Variants in FCF1 observed in about 807,000 individuals in gnomAD.
FCF1 encodes FCF1 rRNA-processing protein.
A neutral mutation model predicts 32.5 loss-of-function variants in FCF1; 17 were observed. The observed-to-expected ratio is 0.52, with a 90% CI of 0.36 to 0.78. The LOEUF (loss-of-function observed/expected upper bound fraction) is 0.78. FCF1 is among the 30% of genes least tolerant of loss of function. The probability of loss-of-function intolerance (pLI) is 0.00; values close to 1 mark genes in which losing one functional copy is unlikely to be tolerated. For synonymous variants in FCF1, 84 were observed against 78.4 expected (o/e 1.07, Z -0.38); for missense variants, 201 against 241.1 (o/e 0.83, Z 1.10).
intron 6 of FCF1, 133 bp downstream of exon 6, chr14:74,732,951 A>G: frequency 1.7e-6 from 1 of 574,778 alleles, no homozygotes; most frequent in Non-Finnish European, 3.0e-6. Flanking sequence ...ATTGCATAGC[A>G]TTCCTTCATA....
Position 74,725,256 on chromosome 14 carries a change from C to T in FCF1, c.365+1912C>T, listed in dbSNP as rs946218655. Among the ~76,000 whole-genome samples, 7 of 150,876 alleles carry T rather than the reference C, an allele frequency of 4.6e-5. No individual in the cohort carries two copies. In the East Asian group the frequency reaches 1.4e-3, roughly 30 times the overall value. On this transcript the variant is annotated intron_variant, in intron 5 of 7. Transcript: ENST00000341162. ...CTGTAATCCCAGAACTTTGGGAGGC[C>T]GAGGCAGGCAGATCATTTGAGGTCA...
At chr14:74,722,042 A>ATT (rs1328601983) in intron 4 of FCF1, among the ~76,000 whole-genome samples, 3 of 94,912 alleles carry the variant, frequency 3.2e-5, no homozygotes, top group African/African-American at 8.0e-5. Context: ...AATATTGGGT[A>ATT]TTTTCTTTTT....
In FCF1 at chr14:74,735,609, A is replaced by T. The variant is rs1278540861; in HGVS notation, c.*679A>T. On this transcript the variant is annotated 3_prime_UTR_variant, in exon 8 of 8. Coordinates refer to ENST00000341162, the MANE Select transcript of FCF1 (RefSeq NM_015962.5). ...TCTTGAGATGAAGTTTTGCTCTGTCACCAGGCTGGAGTGCAGTGGCGTGAT... is the reference window on the plus strand; with the variant it reads ...TCTTGAGATGAAGTTTTGCTCTGTCTCCAGGCTGGAGTGCAGTGGCGTGAT... The T allele has an allele frequency of 6.7e-6, 1 of 149,586 alleles. No homozygotes were observed. The highest frequency in any genetic ancestry group is 1.5e-5 in the Non-Finnish European group (1 of 67,816). 9.3% of individuals were successfully genotyped at this position (149,586 alleles called of 1,614,324 possible).
At position 74,737,993 on chromosome 14, in the gene FCF1, A is replaced by G. The variant is rs1244635411; in HGVS notation, c.*3063A>G. ...GCAACAAGAGTGAAACTCTGTCTCA[A>G]AAAAAAAAAAAAAAAAAGAGAGAGA... On this transcript the variant is annotated 3_prime_UTR_variant, in exon 8 of 8. Coordinates refer to ENST00000341162, the MANE Select transcript of FCF1 (RefSeq NM_015962.5). 1.4e-5 allele frequency: 1 copy of G among 70,028 alleles called. No homozygotes were observed. Among genetic ancestry groups the G allele is most frequent in the Non-Finnish European group, 2.5e-5 (1 of 40,456 alleles). 4.3% of individuals were successfully genotyped at this position (70,028 alleles called of 1,614,324 possible).
At chr14:74,728,774 C>T (rs2090601499) in intron 5 of FCF1, among the ~76,000 whole-genome samples, 2 of 152,220 alleles carry the variant, frequency 1.3e-5, no homozygotes. Context: ...GAAATACGTC[C>T]CATCAATACC....
chr14:74,719,568 C>T (rs866280722), intron 4 of FCF1, among the ~76,000 whole-genome samples: 6 of 151,792 alleles, frequency 4.0e-5, no homozygotes, highest in Non-Finnish European at 7.4e-5. Flanking sequence ...TGAGACCAGC[C>T]TGGCCAACAT....
intron 6 of FCF1, among the ~76,000 whole-genome samples, chr14:74,733,122 T>A (rs2090659634): frequency 6.6e-6 from 1 of 152,206 alleles, no homozygotes; most frequent in African/African-American, 2.4e-5. Context: ...ATTCTTTATC[T>A]CACAAATCTC....
At chr14:74,717,639 G>T (rs899689672) in intron 4 of FCF1, among the ~76,000 whole-genome samples, 3 of 152,182 alleles carry the variant, frequency 2.0e-5, no homozygotes, top group Admixed American at 6.5e-5. Flanking sequence ...GACCCCATAT[G>T]GGGGAAGACA....
Position 74,734,109 on chromosome 14 carries a change from G to A in FCF1, c.487G>A (p.Asp163Asn), listed in dbSNP as rs1370293944. The A allele has an allele frequency of 3.1e-6, 5 of 1,613,568 alleles. No individual in the cohort carries two copies. The Admixed American group carries it at 8.3e-5, about 27-fold the overall frequency. ...KCYIVATVDR[D>N]LKRRIRKIPG... is the part of the protein sequence containing the mutation. ...TTACATTGTGGCCACAGTTGACCGG[G>A]ACCTGAAAAGAAGAATCCGTAAGAT... The change falls in exon 7 of 8, where the codon GAC becomes AAC. Residue 163 changes from aspartate to asparagine, a missense_variant. Asp to Asn is a conservative substitution (Grantham distance 23, BLOSUM62 1). Around this residue, in one of 3 missense-constraint regions of FCF1, gnomAD observed 121 missense variants for 147.8 expected, o/e 0.82. Coordinates refer to ENST00000341162, the MANE Select transcript of FCF1 (RefSeq NM_015962.5).
chr14:74,716,185 C>A, intron 4 of FCF1, 86 bp downstream of exon 4: 1 of 1,293,412 alleles, frequency 7.7e-7, no homozygotes. Context: ...AGATGGGGTT[C>A]TTGTTAACTG....
intron 2 of FCF1, among the ~76,000 whole-genome samples, chr14:74,713,961 T>A (rs905393357): frequency 4.6e-5 from 7 of 152,246 alleles, no homozygotes; most frequent in Admixed American, 3.9e-4. Context: ...TGCCTGGTAC[T>A]CAAATATTTT....
At chr14:74,715,852 T>C in intron 3 of FCF1, 99 bp from the exon 4 acceptor site, 2 of 1,609,926 alleles carry the variant, frequency 1.2e-6, no homozygotes, top group South Asian at 2.2e-5. Flanking sequence ...GACAAAAGAG[T>C]TTACAGCAAA....
At chr14:74,733,445 AC>A (rs1463575465) in intron 6 of FCF1, among the ~76,000 whole-genome samples, 1 of 152,142 alleles carries the variant, frequency 6.6e-6, no homozygotes, top group Non-Finnish European at 1.5e-5. Context: ...AGTATTTCCC[AC>A]AGCACAGCTG....
chr14:74,728,079 C>T (rs1411863904), intron 5 of FCF1, among the ~76,000 whole-genome samples: 4 of 152,022 alleles, frequency 2.6e-5, no homozygotes, highest in African/African-American at 4.8e-5. Context: ...ATTGACTTGG[C>T]GATGTGGGCT....
chr14:74,713,398 G>A, intron 1 of FCF1, 87 bp from the exon 2 acceptor site: 5 of 1,538,466 alleles, frequency 3.2e-6, no homozygotes, highest in Non-Finnish European at 4.5e-6. Flanking sequence ...GAGGCAAGAA[G>A]GGAAGGCAAT....
At chr14:74,731,184 A>G (rs1351283825) in intron 5 of FCF1, among the ~76,000 whole-genome samples, 1 of 152,134 alleles carries the variant, frequency 6.6e-6, no homozygotes, top group Non-Finnish European at 1.5e-5. Flanking sequence ...GAAAAAATAG[A>G]GGCACCAAGT....
intron 2 of FCF1, among the ~76,000 whole-genome samples, chr14:74,714,290 C>T (rs2140015789): frequency 6.6e-6 from 1 of 152,106 alleles, no homozygotes; most frequent in East Asian, 1.9e-4. Context: ...CCTGTCTCCA[C>T]TAAAAATACA....
chr14:74,716,826 T>G (rs997553822), intron 4 of FCF1, among the ~76,000 whole-genome samples: 5 of 152,186 alleles, frequency 3.3e-5, no homozygotes, highest in African/African-American at 4.8e-5. Context: ...AACTTTGCCA[T>G]AGAGGATAAA....
At chr14:74,724,520 A>G (rs1594786796) in intron 5 of FCF1, among the ~76,000 whole-genome samples, 1 of 152,198 alleles carries the variant, frequency 6.6e-6, no homozygotes, top group East Asian at 1.9e-4. Flanking sequence ...TCCTGGGCTC[A>G]AGTGATCCTC....
Sources: allele counts gnomAD v4.1 joint callset (sites outside exome capture counted in the v4.1 genomes callset), GRCh38; gene constraint gnomAD v4.1.1; regional missense constraint gnomAD v4.1.1; transcripts MANE v1.5; gene names NCBI Gene and HGNC (gene_info 2026-07-23, HGNC 2026-07-21).